The following EML6 variants were observed in gnomAD, a reference collection of about 807,000 sequenced individuals.
EML6 encodes the protein echinoderm microtubule-associated protein-like 6.
A neutral mutation model predicts 240.1 loss-of-function variants in EML6; 154 were observed. The observed-to-expected ratio is 0.64, with a 90% CI of 0.56 to 0.73. The LOEUF is 0.73. Among genes scored for constraint, EML6 ranks in the 30% least tolerant of loss-of-function variants. EML6 has a pLI of 0.00. For missense variants in EML6, 2,964 were observed against 2,474.6 expected (o/e 1.20, Z -4.20); for synonymous variants, 1,148 against 899.0 (o/e 1.28, Z -4.95).
intron 17 of EML6, among the ~76,000 whole-genome samples, chr2:54,883,139 A>G (rs563260249): frequency 5.6e-4 from 85 of 152,208 alleles, no homozygotes; most frequent in Middle Eastern, 3.4e-3. Flanking sequence ...CACTTAATAA[A>G]AGGAAAATCA....
intron 5 of EML6, among the ~76,000 whole-genome samples, chr2:54,823,179 G>A (rs891219239): frequency 6.6e-6 from 1 of 152,202 alleles, no homozygotes; most frequent in African/African-American, 2.4e-5. Flanking sequence ...TTGGAAGAAA[G>A]GTAAAAATCA....
chr2:54,834,065 G>C (rs923490219), intron 7 of EML6, among the ~76,000 whole-genome samples: 1 of 152,140 alleles, frequency 6.6e-6, no homozygotes, highest in Admixed American at 6.6e-5. Flanking sequence ...GCTGTATGGG[G>C]TGGTTGTCCT....
At chr2:54,815,982 C>T (rs1453311511) in intron 3 of EML6, among the ~76,000 whole-genome samples, 2 of 152,164 alleles carry the variant, frequency 1.3e-5, no homozygotes, top group Non-Finnish European at 2.9e-5. Context: ...TTTTTATACC[C>T]ATTGTACAAA....
chr2:54,846,250 G>C (rs1669745673), intron 8 of EML6, among the ~76,000 whole-genome samples: 1 of 151,882 alleles, frequency 6.6e-6, no homozygotes, highest in African/African-American at 2.4e-5. Context: ...TCTTCATCTT[G>C]GACACATTTT....
intron 2 of EML6, among the ~76,000 whole-genome samples, chr2:54,781,433 A>G (rs1668851332): frequency 6.6e-6 from 1 of 152,234 alleles, no homozygotes; most frequent in Non-Finnish European, 1.5e-5. Context: ...CATAGGAATT[A>G]AAATATTACC....
chr2:54,744,892 C>G (rs931346985), intron 2 of EML6, among the ~76,000 whole-genome samples: 1 of 140,880 alleles, frequency 7.1e-6, no homozygotes, highest in African/African-American at 2.6e-5. Context: ...GTGTATAACA[C>G]AACACACACA....
At chr2:54,804,991 C>A (rs897820250) in intron 2 of EML6, among the ~76,000 whole-genome samples, 3 of 152,112 alleles carry the variant, frequency 2.0e-5, no homozygotes, top group Admixed American at 6.6e-5. Context: ...TATTTTCATA[C>A]CTTTTTATTT....
At chr2:54,946,316 G>A (rs1417458010) in intron 28 of EML6, among the ~76,000 whole-genome samples, 1 of 152,052 alleles carries the variant, frequency 6.6e-6, no homozygotes, top group Non-Finnish European at 1.5e-5. Flanking sequence ...GCCCCACTGG[G>A]TCTCCCTGCC....
In EML6 at chr2:54,847,540, G is replaced by C; in HGVS notation, c.1104G>C (p.Ala368=). 1.3e-6 allele frequency: 2 copies of C among 1,552,146 alleles called. No individual in the cohort carries two copies. Among genetic ancestry groups the C allele is most frequent in the South Asian group, 2.4e-5 (2 of 84,056 alleles). ...TCGCCCGCTGTAACATGGAAGAGGC[G>C]GTTCGCAGTGTAGCTTTCAGCCCCG... ...ALIARCNMEE[A]VRSVAFSPDG... The change falls in exon 9 of 42, where the codon GCG becomes GCC. Residue 368 remains alanine, a synonymous_variant. Coordinates refer to ENST00000356458, the MANE Select transcript of EML6 (RefSeq NM_001039753.4).
In EML6 at chr2:54,928,787, C is replaced by T. The variant is rs1457100380; in HGVS notation, c.4004+36C>T. 1.1e-5 allele frequency: 17 copies of T among 1,551,030 alleles called. No homozygotes were observed. In the East Asian group the frequency reaches 3.7e-4, roughly 33 times the overall value. Reference sequence around the variant, plus strand: ...GCCAGGTTTGCTTGCTTTTATTATACCTGATGACAAGAAACTTGTTTAAGC... The same window carrying T: ...GCCAGGTTTGCTTGCTTTTATTATATCTGATGACAAGAAACTTGTTTAAGC... On this transcript the variant is annotated intron_variant, in intron 28 of 41. Transcript: ENST00000356458.
At chr2:54,952,239 C>T (rs1216700118) in intron 30 of EML6, among the ~76,000 whole-genome samples, 1 of 152,132 alleles carries the variant, frequency 6.6e-6, no homozygotes, top group African/African-American at 2.4e-5. Flanking sequence ...TGAGAAGCAC[C>T]AGTCCTGTGC....
chr2:54,839,233 T>C (rs911918174), intron 7 of EML6, among the ~76,000 whole-genome samples: 1 of 152,220 alleles, frequency 6.6e-6, no homozygotes, highest in Non-Finnish European at 1.5e-5. Context: ...GACTGTGTGG[T>C]TCTCTTTACC....
chr2:54,790,239 T>A (rs1183324551), intron 2 of EML6, among the ~76,000 whole-genome samples: 1 of 152,218 alleles, frequency 6.6e-6, no homozygotes, highest in African/African-American at 2.4e-5. Flanking sequence ...GCTGTGTGTA[T>A]GGTGACAATT....
At chr2:54,965,565 G>A (rs1390954165) in intron 38 of EML6, among the ~76,000 whole-genome samples, 1 of 152,154 alleles carries the variant, frequency 6.6e-6, no homozygotes, top group African/African-American at 2.4e-5. Context: ...AAGCAGAGTT[G>A]TTAAGGATAA....
chr2:54,860,906 G>C (rs1164460757), intron 12 of EML6, among the ~76,000 whole-genome samples: 1 of 152,146 alleles, frequency 6.6e-6, no homozygotes, highest in African/African-American at 2.4e-5. Context: ...CTTTGCTCTG[G>C]GAGCAGAAGG....
chr2:54,967,794 G>A (rs1676813281), intron 39 of EML6, among the ~76,000 whole-genome samples: 1 of 152,132 alleles, frequency 6.6e-6, no homozygotes, highest in Admixed American at 6.5e-5. Context: ...GTGGGGTTTC[G>A]GGATGAAACT....
intron 5 of EML6, among the ~76,000 whole-genome samples, chr2:54,825,708 C>T (rs1228068192): frequency 6.6e-6 from 1 of 152,108 alleles, no homozygotes; most frequent in Non-Finnish European, 1.5e-5. Context: ...CCAAGGCATC[C>T]CTCTATTCCT....
intron 35 of EML6, 82 bp downstream of exon 35, chr2:54,960,416 C>T: frequency 1.9e-6 from 2 of 1,050,148 alleles, no homozygotes; most frequent in Non-Finnish European, 2.8e-6. Context: ...TTTCTCTGGG[C>T]TGGTTTGTTT....
intron 28 of EML6, among the ~76,000 whole-genome samples, chr2:54,935,048 C>G (rs1675066860): frequency 6.6e-6 from 1 of 151,938 alleles, no homozygotes; most frequent in Admixed American, 6.6e-5. Context: ...TATTATTTGT[C>G]TCTGGAAGGA....
Sources: gnomAD v4.1 joint callset for allele counts (sites outside exome capture counted in the v4.1 genomes callset) on GRCh38, gnomAD v4.1.1 for gene constraint, MANE v1.5 for transcripts, NCBI Gene and HGNC (gene_info 2026-07-23, HGNC 2026-07-21) for gene names.